Variants in SDCCAG8 observed in about 807,000 individuals in gnomAD.
The protein encoded by SDCCAG8 is SHH signaling and ciliogenesis regulator SDCCAG8.
Under a neutral mutation model 101.8 loss-of-function variants are expected in SDCCAG8, and 74 were observed. The observed-to-expected ratio is 0.73, with a 90% CI of 0.60 to 0.88. The LOEUF (loss-of-function observed/expected upper bound fraction) is 0.88, where lower values mean the gene tolerates loss of function less well. Ranked by LOEUF, SDCCAG8 falls within the 40% of genes least tolerant of loss-of-function variation. The pLI is 0.00. For synonymous variants in SDCCAG8, 281 were observed against 292.9 expected, an observed-to-expected ratio of 0.96 and a Z score of 0.41; for missense variants, 787 against 822.6, an observed-to-expected ratio of 0.96 and a Z score of 0.53.
rs531152514 is a variant in SDCCAG8, at chr1:243,476,999, TACACACACACAC to T, written c.1986-11991_1986-11980del. 1.6e-4 allele frequency among the ~76,000 whole-genome samples: 16 copies of T among 102,204 alleles called. No individual in the cohort carries two copies. The South Asian group carries it at 5.0e-3, about 32-fold the overall frequency. 67.0% of individuals were successfully genotyped at this position (102,204 alleles called of 152,430 possible). On this transcript the variant is annotated intron_variant, in intron 16 of 17. Transcript: ENST00000366541. ...TGCAGCTTACTGTCAACTGGTTCTGTACACACACACACACACACACACACACACACACACAGA... is the reference window on the plus strand; with the variant it reads ...TGCAGCTTACTGTCAACTGGTTCTGTACACACACACACACACACACACAGA...
chr1:243,432,216 A>T (rs1468885556), intron 16 of SDCCAG8, among the ~76,000 whole-genome samples: 1 of 151,208 alleles, frequency 6.6e-6, no homozygotes, highest in Non-Finnish European at 1.5e-5. Context: ...TTAAAAACAA[A>T]AAGAGTCCTT....
At chr1:243,297,700 T>C (rs1350499467) in intron 6 of SDCCAG8, among the ~76,000 whole-genome samples, 1 of 152,236 alleles carries the variant, frequency 6.6e-6, no homozygotes, top group Admixed American at 6.5e-5. Context: ...GATTGAGTAT[T>C]GTTTCATACA....
At chr1:243,352,895 T>A (rs1366136405) in intron 12 of SDCCAG8, among the ~76,000 whole-genome samples, 2 of 152,222 alleles carry the variant, frequency 1.3e-5, no homozygotes, top group African/African-American at 2.4e-5. Flanking sequence ...TTCTTCATAG[T>A]GATCACTTTA....
At chr1:243,379,106 CTCTA>C (rs1261122833) in intron 13 of SDCCAG8, among the ~76,000 whole-genome samples, 1 of 152,144 alleles carries the variant, frequency 6.6e-6, no homozygotes, top group African/African-American at 2.4e-5. Flanking sequence ...TTAGGTGATT[CTCTA>C]TCAATATAAG....
chr1:243,485,831 G>T (rs1385370773), intron 16 of SDCCAG8, among the ~76,000 whole-genome samples: 1 of 151,762 alleles, frequency 6.6e-6, no homozygotes, highest in Admixed American at 6.6e-5. Context: ...GGCGGAGGTT[G>T]CAGTGAGCTG....
intron 9 of SDCCAG8, among the ~76,000 whole-genome samples, chr1:243,320,763 G>A (rs1367540850): frequency 2.6e-5 from 4 of 152,116 alleles, no homozygotes; most frequent in African/African-American, 9.7e-5. Context: ...ACCCAGGCAG[G>A]CACAAAATAT....
At chr1:243,284,264 G>C (rs913869989) in intron 4 of SDCCAG8, among the ~76,000 whole-genome samples, 1 of 152,162 alleles carries the variant, frequency 6.6e-6, no homozygotes, top group South Asian at 2.1e-4. Flanking sequence ...TGGAAGCTAG[G>C]CTGTGTTTGC....
chr1:243,412,415 A>G (rs1292039025), intron 13 of SDCCAG8, among the ~76,000 whole-genome samples: 1 of 152,162 alleles, frequency 6.6e-6, no homozygotes, highest in Non-Finnish European at 1.5e-5. Context: ...AAATCTCATA[A>G]TGTTTTAAGG....
chr1:243,439,461 T>C (rs570511810), intron 16 of SDCCAG8, among the ~76,000 whole-genome samples: 1 of 152,182 alleles, frequency 6.6e-6, no homozygotes, highest in East Asian at 1.9e-4. Context: ...CTGTCTCTAC[T>C]AAAAATACAA....
At chr1:243,388,427 G>A (rs1366520355) in intron 13 of SDCCAG8, among the ~76,000 whole-genome samples, 1 of 152,180 alleles carries the variant, frequency 6.6e-6, no homozygotes, top group African/African-American at 2.4e-5. Context: ...GTGGCTGGTA[G>A]CCTCTTCAGA....
rs550306467 is a variant in SDCCAG8 at position 243,408,359 on chromosome 1, T to C, written c.1617-7343T>C. 7.9e-5 allele frequency among the ~76,000 whole-genome samples: 12 copies of C among 152,288 alleles called. No individual in the cohort carries two copies. The South Asian group carries it at 1.7e-3, about 21-fold the overall frequency. ...TATCTTTTCTAGAGTCTGTGGCCAC[T>C]TGAGGCAGGAGATGTGTTTGTGGTA... On this transcript the variant is annotated intron_variant, in intron 13 of 17. Coordinates refer to ENST00000366541, the MANE Select transcript of SDCCAG8 (RefSeq NM_006642.5).
chr1:243,270,980 A>C lies in SDCCAG8; in HGVS notation c.223A>C (p.Asn75His), dbSNP rs2068036938. 1 of 1,611,438 alleles carries C rather than the reference A, an allele frequency of 6.2e-7. No homozygotes were observed. Among genetic ancestry groups the C allele is most frequent in the Admixed American group, 1.7e-5 (1 of 59,980 alleles). The part of the protein sequence containing the change: ...WPELQQSHAV[N>H]QLKDLLRQQA... ...AACCCTCTGCTTTTGCTCTATAGTT[A>C]ATCAGCTCAAAGATTTGTTGCGCCA... The change falls in exon 3 of 18, where the codon AAT becomes CAT. Residue 75 changes from asparagine (N) to histidine (H), a missense_variant and splice_region_variant. By Grantham distance (68) the Asn-to-His change is moderately conservative. Coordinates refer to ENST00000366541, the MANE Select transcript of SDCCAG8 (RefSeq NM_006642.5).
At chr1:243,480,642 A>G (rs1464487463) in intron 16 of SDCCAG8, among the ~76,000 whole-genome samples, 1 of 20,884 alleles carries the variant, frequency 4.8e-5, no homozygotes, top group Non-Finnish European at 8.5e-5. Flanking sequence ...GATGGGTGTG[A>G]TGGATGGATG....
chr1:243,343,622 G>A (rs777426825), intron 11 of SDCCAG8, among the ~76,000 whole-genome samples: 10 of 152,120 alleles, frequency 6.6e-5, no homozygotes, highest in Non-Finnish European at 1.3e-4. Context: ...CCAGTCTATG[G>A]CTTTTGCCAG....
intron 16 of SDCCAG8, among the ~76,000 whole-genome samples, chr1:243,467,227 T>C (rs1209315612): frequency 6.6e-6 from 1 of 152,248 alleles, no homozygotes; most frequent in East Asian, 1.9e-4. Flanking sequence ...CTTTCATTTT[T>C]TTGTTTGTCT....
intron 12 of SDCCAG8, among the ~76,000 whole-genome samples, chr1:243,348,997 AAAAC>A (rs1277587282): frequency 6.6e-6 from 1 of 150,982 alleles, no homozygotes; most frequent in Non-Finnish European, 1.5e-5. Flanking sequence ...GGATAAAAAC[AAAAC>A]AAACAAAACA....
intron 16 of SDCCAG8, among the ~76,000 whole-genome samples, chr1:243,436,694 T>C (rs1372565663): frequency 6.6e-6 from 1 of 152,220 alleles, no homozygotes; most frequent in Non-Finnish European, 1.5e-5. Context: ...TAATGCCTGT[T>C]TGGAGGCAAA....
intron 12 of SDCCAG8, among the ~76,000 whole-genome samples, chr1:243,361,431 T>C (rs1482336487): frequency 6.6e-5 from 10 of 152,256 alleles, no homozygotes; most frequent in Admixed American, 6.5e-4. Flanking sequence ...TCAACACATT[T>C]GCGAAAGCAA....
intron 6 of SDCCAG8, among the ~76,000 whole-genome samples, chr1:243,296,480 T>TTGCTTCAGTA (rs1309423887): frequency 6.6e-6 from 1 of 151,700 alleles, no homozygotes; most frequent in Non-Finnish European, 1.5e-5. Flanking sequence ...CCTCCTATTC[T>TTGCTTCAGTA]TGCTTCAGTA....
Sources: gnomAD v4.1 joint callset for allele counts (sites outside exome capture counted in the v4.1 genomes callset) on GRCh38, gnomAD v4.1.1 for gene constraint, MANE v1.5 for transcripts, NCBI Gene and HGNC (gene_info 2026-07-23, HGNC 2026-07-21) for gene names.